Variants in HS3ST5 observed in about 807,000 individuals in gnomAD.
HS3ST5 encodes the protein heparan sulfate-glucosamine 3-sulfotransferase 5, also known as heparan sulfate glucosamine 3-O-sulfotransferase 5.
A neutral mutation model predicts 25.4 loss-of-function variants in HS3ST5; 10 were observed. The observed-to-expected ratio is 0.39, with a 90% confidence interval of 0.24 to 0.67. HS3ST5 has a LOEUF of 0.67. HS3ST5 is among the 30% of genes least tolerant of loss of function. HS3ST5 has a pLI of 0.44. For synonymous variants in HS3ST5, 170 were observed against 162.4 expected, an observed-to-expected ratio of 1.05 and a Z score of -0.36; for missense variants, 324 against 420.7, an observed-to-expected ratio of 0.77 and a Z score of 2.01.
At chr6:114,253,844 A>G (rs984750630) in intron 1 of HS3ST5, among the ~76,000 whole-genome samples, 23 of 152,180 alleles carry the variant, frequency 1.5e-4, no homozygotes, top group African/African-American at 5.3e-4. Context: ...TAAGCAGACA[A>G]CAGGCCCTCT....
intron 1 of HS3ST5, among the ~76,000 whole-genome samples, chr6:114,312,012 C>G (rs968124744): frequency 6.6e-6 from 1 of 152,184 alleles, no homozygotes; most frequent in African/African-American, 2.4e-5. Flanking sequence ...TCTCCATTAG[C>G]AGATTCACCT....
chr6:114,096,560 T>C (rs1775437273), intron 3 of HS3ST5, among the ~76,000 whole-genome samples: 1 of 152,032 alleles, frequency 6.6e-6, no homozygotes, highest in African/African-American at 2.4e-5. Flanking sequence ...CCAGAGATGA[T>C]GTTATTATTA....
chr6:114,325,024 ACAAAGATTC>A (rs1194902627), intron 1 of HS3ST5, among the ~76,000 whole-genome samples: 1 of 152,236 alleles, frequency 6.6e-6, no homozygotes. Context: ...AAACATTTAA[ACAAAGATTC>A]TAAAAAATCC....
intron 3 of HS3ST5, among the ~76,000 whole-genome samples, chr6:114,165,682 C>G (rs1582671299): frequency 6.6e-6 from 1 of 152,220 alleles, no homozygotes; most frequent in East Asian, 1.9e-4. Flanking sequence ...GACACTGAAC[C>G]TCGCGCTCAC....
intron 3 of HS3ST5, among the ~76,000 whole-genome samples, chr6:114,071,121 G>T (rs1431202677): frequency 6.6e-6 from 1 of 152,200 alleles, no homozygotes; most frequent in African/African-American, 2.4e-5. Flanking sequence ...ACAACTTGCA[G>T]TTCTTTTGAA....
intron 2 of HS3ST5, chr6:114,220,916 T>C (rs1344691676): frequency 6.6e-6 from 1 of 152,008 alleles, no homozygotes; most frequent in Non-Finnish European, 1.5e-5. Context: ...AAAGATATGG[T>C]CAATTCTCCT....
rs559310805 is a variant in HS3ST5, at chr6:114,336,899, T to C, written c.-339+5296A>G. On this transcript the variant is annotated intron_variant, in intron 1 of 4. Coordinates refer to ENST00000312719, the MANE Select transcript of HS3ST5 (RefSeq NM_153612.4). ...CCCAAACTATACTCAAATAGTAAGA[T>C]TGTTAATATTTATGATAGAACAGTT... 5.9e-5 allele frequency among the ~76,000 whole-genome samples: 9 copies of C among 152,336 alleles called. No individual in the cohort carries two copies. In the South Asian group the frequency reaches 1.7e-3, roughly 28 times the overall value.
intron 1 of HS3ST5, among the ~76,000 whole-genome samples, chr6:114,244,794 TG>T (rs1772305418): frequency 6.6e-6 from 1 of 152,194 alleles, no homozygotes; most frequent in African/African-American, 2.4e-5. Flanking sequence ...ACTCAAATGC[TG>T]GGAAACTCGG....
At chr6:114,074,652 C>G (rs938700908) in intron 3 of HS3ST5, among the ~76,000 whole-genome samples, 3 of 152,078 alleles carry the variant, frequency 2.0e-5, no homozygotes, top group African/African-American at 7.2e-5. Flanking sequence ...TTCTTCCCAG[C>G]TTTTTTGCTT....
chr6:114,182,429 A>G (rs1421817159), intron 2 of HS3ST5, among the ~76,000 whole-genome samples: 2 of 152,226 alleles, frequency 1.3e-5, no homozygotes, highest in African/African-American at 2.4e-5. Flanking sequence ...CATAGAAAAT[A>G]AACCTGAAGA....
At chr6:114,089,900 A>G (rs576354371) in intron 3 of HS3ST5, among the ~76,000 whole-genome samples, 24 of 152,328 alleles carry the variant, frequency 1.6e-4, no homozygotes, top group African/African-American at 5.3e-4. Flanking sequence ...GTTTCTTTTA[A>G]TAGCTTTATC....
intron 3 of HS3ST5, among the ~76,000 whole-genome samples, chr6:114,091,971 A>G (rs1775142400): frequency 6.6e-6 from 1 of 152,198 alleles, no homozygotes; most frequent in African/African-American, 2.4e-5. Flanking sequence ...TTTTACAGTG[A>G]CATGGCAGAA....
intron 1 of HS3ST5, among the ~76,000 whole-genome samples, chr6:114,307,573 G>A (rs1444530108): frequency 6.6e-6 from 1 of 151,992 alleles, no homozygotes; most frequent in Non-Finnish European, 1.5e-5. Context: ...TTTTGATATT[G>A]AAGTGTGTAT....
At chr6:114,078,272 T>C (rs558569047) in intron 3 of HS3ST5, among the ~76,000 whole-genome samples, 62 of 152,262 alleles carry the variant, frequency 4.1e-4, no homozygotes, top group African/African-American at 1.4e-3. Context: ...ATTGGTGCGA[T>C]ATCTGCTCAC....
At chr6:114,306,238 C>CATATAT (rs757321554) in intron 1 of HS3ST5, among the ~76,000 whole-genome samples, 2,742 of 111,394 alleles carry the variant, frequency 0.025, 64 homozygotes, top group African/African-American at 0.066. Flanking sequence ...ATGAAATATA[C>CATATAT]ATATATATAT....
At chr6:114,233,588 T>C (rs1771712697) in intron 1 of HS3ST5, among the ~76,000 whole-genome samples, 1 of 152,210 alleles carries the variant, frequency 6.6e-6, no homozygotes, top group South Asian at 2.1e-4. Context: ...TTGAGTTCTG[T>C]GGACAAACAC....
intron 1 of HS3ST5, among the ~76,000 whole-genome samples, chr6:114,265,305 G>A (rs1562257798): frequency 1.3e-5 from 2 of 152,294 alleles, no homozygotes; most frequent in East Asian, 1.9e-4. Flanking sequence ...TCTAAAACAC[G>A]TGTGTGGGGT....
chr6:114,306,238 C>CATATATATATAT (rs757321554), intron 1 of HS3ST5, among the ~76,000 whole-genome samples: 35 of 111,518 alleles, frequency 3.1e-4, no homozygotes, highest in African/African-American at 9.9e-4. Flanking sequence ...ATGAAATATA[C>CATATATATATAT]ATATATATAT....
intron 1 of HS3ST5, among the ~76,000 whole-genome samples, chr6:114,303,201 C>A (rs1775152126): frequency 6.6e-6 from 1 of 151,950 alleles, no homozygotes; most frequent in African/African-American, 2.4e-5. Context: ...GATTTTGGAG[C>A]CTTTACTAAA....
Sources: gnomAD v4.1 joint callset for allele counts (sites outside exome capture counted in the v4.1 genomes callset) on GRCh38, gnomAD v4.1.1 for gene constraint, MANE v1.5 for transcripts, NCBI Gene and HGNC (gene_info 2026-07-23, HGNC 2026-07-21) for gene names.